The following SPAG16 variants were observed in gnomAD, a reference collection of about 807,000 sequenced individuals.
SPAG16 encodes the protein sperm associated antigen 16.
Under a neutral mutation model 80.4 loss-of-function variants are expected in SPAG16, and 86 were observed. That is an observed-to-expected ratio of 1.07 (90% confidence interval 0.90 to 1.28). The LOEUF (loss-of-function observed/expected upper bound fraction) is 1.28. SPAG16 is among the 50% of genes most tolerant of loss of function. The probability of loss-of-function intolerance (pLI) is 0.00; values close to 1 mark genes in which losing one functional copy is unlikely to be tolerated. For missense variants in SPAG16, 870 were observed against 765.3 expected (o/e 1.14, Z -1.61); for synonymous variants, 294 against 265.9 (o/e 1.11, Z -1.03).
chr2:213,368,352 G>C (rs980969822), intron 8 of SPAG16, among the ~76,000 whole-genome samples: 6 of 152,084 alleles, frequency 3.9e-5, no homozygotes, highest in Non-Finnish European at 8.8e-5. Flanking sequence ...GATGGCGATG[G>C]CATTGAATCT....
At chr2:213,752,106 T>G (rs1459041829) in intron 10 of SPAG16, among the ~76,000 whole-genome samples, 1 of 152,210 alleles carries the variant, frequency 6.6e-6, no homozygotes, top group Non-Finnish European at 1.5e-5. Flanking sequence ...TTTGTTATTT[T>G]GGTGGTTACT....
chr2:214,358,657 A>C (rs1698976072), intron 15 of SPAG16, among the ~76,000 whole-genome samples: 1 of 151,828 alleles, frequency 6.6e-6, no homozygotes, highest in Non-Finnish European at 1.5e-5. Flanking sequence ...TTCAGATAAT[A>C]GGAGCTCTGC....
At chr2:213,303,099 T>C (rs537401654) in intron 3 of SPAG16, among the ~76,000 whole-genome samples, 42 of 152,212 alleles carry the variant, frequency 2.8e-4, no homozygotes, top group African/African-American at 1.0e-3. Context: ...TACAATTATA[T>C]ATAATTTCCT....
chr2:213,772,703 T>G (rs2069324812), intron 10 of SPAG16, among the ~76,000 whole-genome samples: 2 of 152,046 alleles, frequency 1.3e-5, no homozygotes. Flanking sequence ...GTTTTCTTTC[T>G]TATCAAGTTT....
At chr2:213,465,603 G>A (rs1449302754) in intron 9 of SPAG16, among the ~76,000 whole-genome samples, 1 of 152,156 alleles carries the variant, frequency 6.6e-6, no homozygotes, top group African/African-American at 2.4e-5. Context: ...GATATTTGAG[G>A]AGGCAATTGT....
At chr2:214,026,549 C>A (rs897972601) in intron 13 of SPAG16, among the ~76,000 whole-genome samples, 1 of 151,458 alleles carries the variant, frequency 6.6e-6, no homozygotes. Context: ...AGACACATTT[C>A]TTTATAAACT....
At chr2:213,861,871 T>C (rs1285448996) in intron 10 of SPAG16, among the ~76,000 whole-genome samples, 1 of 152,208 alleles carries the variant, frequency 6.6e-6, no homozygotes, top group Admixed American at 6.5e-5. Flanking sequence ...AATTGCCTTA[T>C]ATCTTGAATT....
chr2:213,997,844 G>C (rs2046602236), intron 12 of SPAG16, among the ~76,000 whole-genome samples: 1 of 152,146 alleles, frequency 6.6e-6, no homozygotes, highest in Admixed American at 6.5e-5. Flanking sequence ...ATGGGCCATG[G>C]GTTGGACAAG....
intron 13 of SPAG16, among the ~76,000 whole-genome samples, chr2:214,039,922 A>C (rs1209100292): frequency 1.3e-5 from 2 of 152,126 alleles, no homozygotes; most frequent in African/African-American, 4.8e-5. Context: ...CTTGCAGCCT[A>C]GGGTTGCTTG....
chr2:213,366,067 G>A (rs1268827885), intron 8 of SPAG16, among the ~76,000 whole-genome samples: 4 of 147,972 alleles, frequency 2.7e-5, no homozygotes, highest in Non-Finnish European at 4.5e-5. Flanking sequence ...GTGTGAACCC[G>A]GGAGGCGGAG....
At chr2:213,980,712 GTA>G (rs1553686607) in intron 12 of SPAG16, among the ~76,000 whole-genome samples, 3 of 114,004 alleles carry the variant, frequency 2.6e-5, no homozygotes, top group African/African-American at 3.8e-5. Flanking sequence ...GTGTGTGTGT[GTA>G]TATATATATA....
chr2:214,278,686 C>G (rs1426816007), intron 15 of SPAG16, among the ~76,000 whole-genome samples: 1 of 152,122 alleles, frequency 6.6e-6, no homozygotes, highest in African/African-American at 2.4e-5. Context: ...AATTTGAGAG[C>G]CTTCATCTTT....
intron 15 of SPAG16, among the ~76,000 whole-genome samples, chr2:214,351,289 G>A (rs1299438693): frequency 6.6e-6 from 1 of 152,112 alleles, no homozygotes; most frequent in Non-Finnish European, 1.5e-5. Context: ...CAGTAGCATT[G>A]TAGGATCACT....
chr2:213,523,954 A>T (rs1240903542), intron 10 of SPAG16, among the ~76,000 whole-genome samples: 1 of 152,238 alleles, frequency 6.6e-6, no homozygotes, highest in Non-Finnish European at 1.5e-5. Context: ...AGAAATTTGC[A>T]TAAGTAGCAA....
intron 13 of SPAG16, among the ~76,000 whole-genome samples, chr2:214,055,171 C>T (rs922844677): frequency 1.3e-5 from 2 of 152,016 alleles, no homozygotes; most frequent in African/African-American, 4.8e-5. Flanking sequence ...TTTAAAGATC[C>T]AGGAAAAACT....
intron 10 of SPAG16, among the ~76,000 whole-genome samples, chr2:213,599,890 C>T (rs547173431): frequency 3.9e-5 from 6 of 152,118 alleles, no homozygotes; most frequent in South Asian, 2.1e-4. Flanking sequence ...TTAGTAGAGA[C>T]GGGGTTTCAC....
intron 3 of SPAG16, among the ~76,000 whole-genome samples, chr2:213,304,508 G>C (rs888141272): frequency 6.6e-6 from 1 of 152,058 alleles, no homozygotes; most frequent in African/African-American, 2.4e-5. Context: ...TCCACGGTTT[G>C]AGGGTGTAAA....
chr2:213,906,983 A>C (rs1396868221), intron 11 of SPAG16, among the ~76,000 whole-genome samples: 1 of 152,202 alleles, frequency 6.6e-6, no homozygotes. Flanking sequence ...TAAAAAGCGC[A>C]GATGACAATA....
intron 15 of SPAG16, among the ~76,000 whole-genome samples, chr2:214,214,508 C>T (rs2058379259): frequency 6.6e-6 from 1 of 152,094 alleles, no homozygotes; most frequent in South Asian, 2.1e-4. Context: ...CCTGTTCCTT[C>T]CTGGCATTCT....
Sources: gnomAD v4.1 joint callset for allele counts (sites outside exome capture counted in the v4.1 genomes callset) on GRCh38, gnomAD v4.1.1 for gene constraint, MANE v1.5 for transcripts, NCBI Gene and HGNC (gene_info 2026-07-23, HGNC 2026-07-21) for gene names.